VLDLR: variants seen among roughly 807,000 people sequenced by gnomAD.
The protein encoded by VLDLR is very low-density lipoprotein receptor.
Under a neutral mutation model 112.7 loss-of-function variants are expected in VLDLR, and 81 were observed. That is an observed-to-expected ratio of 0.72 (90% CI 0.60 to 0.86). The LOEUF (loss-of-function observed/expected upper bound fraction) is 0.86, where lower values mean the gene tolerates loss of function less well. Among genes scored for constraint, VLDLR ranks in the 40% least tolerant of loss-of-function variants. VLDLR has a pLI of 0.00. For synonymous variants in VLDLR, 436 were observed against 384.8 expected, an observed-to-expected ratio of 1.13 and a Z score of -1.56; for missense variants, 1,237 against 1,099.4, an observed-to-expected ratio of 1.13 and a Z score of -1.77.
In VLDLR at chr9:2,650,498, A is replaced by G; in HGVS notation, c.2233A>G (p.Asn745Asp). 1 of 1,613,898 alleles carries G rather than the reference A, an allele frequency of 6.2e-7. No homozygotes were observed. The highest frequency in any genetic ancestry group is 8.5e-7 in the Non-Finnish European group (1 of 1,180,006). Reference sequence around the variant, plus strand: ...TCCCAGTGGGTACAATGTAGAGGAAAATGGCCGAGACTGTCAAAGTAAGGC... The same window carrying G: ...TCCCAGTGGGTACAATGTAGAGGAAGATGGCCGAGACTGTCAAAGTAAGGC... ...SCPSGYNVEENGRDCQSTATT... is the reference protein window; with the variant it reads ...SCPSGYNVEEDGRDCQSTATT... Residue 745 changes from asparagine to aspartate, a missense_variant, in exon 15 of 19, where the codon AAT (asparagine) becomes GAT (aspartate). Coordinates refer to ENST00000382100, the MANE Select transcript of VLDLR (RefSeq NM_003383.5).
rs1033746403 is a variant in VLDLR, at chr9:2,640,758, A to T, written c.326-619A>T. Among the ~76,000 whole-genome samples the T allele has an allele frequency of 3.3e-5, 5 of 152,208 alleles. No individual in the cohort carries two copies. In the East Asian group the frequency reaches 9.6e-4, roughly 29 times the overall value. ...AAAGGAAGATAAGGCTGTTACTTTCAATTTTCTAGATAAGAAGTGAGGGGA... is the reference window on the plus strand; with the variant it reads ...AAAGGAAGATAAGGCTGTTACTTTCTATTTTCTAGATAAGAAGTGAGGGGA... On this transcript the variant is annotated intron_variant, in intron 3 of 18. Coordinates refer to ENST00000382100, the MANE Select transcript of VLDLR (RefSeq NM_003383.5).
chr9:2,632,896 T>C (rs1441366896), intron 1 of VLDLR, among the ~76,000 whole-genome samples: 1 of 152,056 alleles, frequency 6.6e-6, no homozygotes, highest in Non-Finnish European at 1.5e-5. Flanking sequence ...CTTAAGGTCT[T>C]TATTTGCCTG....
chr9:2,636,007 C>T (rs1817588402), intron 2 of VLDLR, among the ~76,000 whole-genome samples: 1 of 152,174 alleles, frequency 6.6e-6, no homozygotes, highest in Admixed American at 6.5e-5. Context: ...AACTACAAGC[C>T]AGCACAGATC....
intron 3 of VLDLR, among the ~76,000 whole-genome samples, chr9:2,641,172 C>T (rs937491567): frequency 1.2e-4 from 18 of 152,170 alleles, no homozygotes; most frequent in African/African-American, 1.7e-4. Flanking sequence ...AAAGCTGTCA[C>T]GTACACTGCC....
At position 2,622,179 on chromosome 9, in the gene VLDLR, A is replaced by G. The variant is rs1816824511; in HGVS notation, c.-11A>G. ...GGCGGCGGCGGCGGCGGCACCATCC[A>G]GGCGGGCACCATGGGCACGTCCGCG... On this transcript the variant is annotated 5_prime_UTR_variant, in exon 1 of 19. Coordinates refer to ENST00000382100, the MANE Select transcript of VLDLR (RefSeq NM_003383.5). 11 of 1,480,836 alleles carry G rather than the reference A, an allele frequency of 7.4e-6. No homozygotes were observed. Among genetic ancestry groups the G allele is most frequent in the Non-Finnish European group, 8.9e-6 (10 of 1,119,894 alleles). 91.7% of individuals were successfully genotyped at this position (1,480,836 alleles called of 1,614,324 possible). A position where few individuals can be genotyped will look rare whatever the true frequency, so the allele number is the denominator to read the frequency against.
In VLDLR at chr9:2,651,901, A is replaced by C; in HGVS notation, c.2363A>C (p.Glu788Ala). 2 of 1,614,126 alleles carry C rather than the reference A, an allele frequency of 1.2e-6. No homozygotes were observed. The highest frequency in any genetic ancestry group is 1.7e-5 in the Admixed American group (1 of 60,024). The change falls in exon 17 of 19, where the codon GAG becomes GCG. Residue 788 changes from glutamate (E) to alanine (A), a missense_variant. Physicochemically the swap from Glu to Ala is moderately radical, Grantham distance 107 (BLOSUM62 -1). Coordinates refer to ENST00000382100, the MANE Select transcript of VLDLR (RefSeq NM_003383.5). ...GGINVTTAVSEVSVPPKGTSA... is the reference protein window; with the variant it reads ...GGINVTTAVSAVSVPPKGTSA... Reference sequence around the variant, plus strand: ...ATCAATGTGACCACAGCAGTATCAGAGGTCAGTGTTCCCCCAAAAGGGACT... The same window carrying C: ...ATCAATGTGACCACAGCAGTATCAGCGGTCAGTGTTCCCCCAAAAGGGACT...
chr9:2,658,263 A>C lies in VLDLR; in HGVS notation c.*4395A>C, dbSNP rs906016551. Reference sequence around the variant, plus strand: ...AGATAAATAAGCTACTAACAAACTGATAACAGTGGTGTTCCATCTCTCTAT... The same window carrying C: ...AGATAAATAAGCTACTAACAAACTGCTAACAGTGGTGTTCCATCTCTCTAT... On this transcript the variant is annotated 3_prime_UTR_variant, in exon 19 of 19. Coordinates refer to ENST00000382100, the MANE Select transcript of VLDLR (RefSeq NM_003383.5). 1 of 152,222 alleles carries C rather than the reference A, an allele frequency of 6.6e-6. No homozygotes were observed. Among genetic ancestry groups the C allele is most frequent in the Non-Finnish European group, 1.5e-5 (1 of 68,042 alleles). The allele number at this position is 152,222 out of a possible 1,614,324, so 9.4% of individuals were successfully genotyped here. A position where few individuals can be genotyped will look rare whatever the true frequency, so the allele number is the denominator to read the frequency against.
intron 1 of VLDLR, among the ~76,000 whole-genome samples, chr9:2,629,324 C>T (rs10967228): frequency 0.095 from 14,430 of 152,280 alleles, 798 homozygotes; most frequent in East Asian, 0.15. Flanking sequence ...AGCTATAATC[C>T]TTTTAGAAGA....
intron 4 of VLDLR, 56 bp downstream of exon 4, chr9:2,641,555 G>A (rs200696982): frequency 1.2e-6 from 2 of 1,611,902 alleles, no homozygotes; most frequent in Admixed American, 1.7e-5. Context: ...TAAAGGAAGG[G>A]TGGGCAGGGG....
intron 1 of VLDLR, among the ~76,000 whole-genome samples, chr9:2,628,077 A>C (rs906047845): frequency 3.3e-5 from 5 of 152,104 alleles, no homozygotes; most frequent in African/African-American, 1.2e-4. Flanking sequence ...TAATAAATCA[A>C]CTCATGCACC....
rs1818626422 is a variant in VLDLR at position 2,656,805 on chromosome 9, T to A, written c.*2937T>A. 2 of 152,162 alleles carry A rather than the reference T, an allele frequency of 1.3e-5. No homozygotes were observed. The highest frequency in any genetic ancestry group is 3.4e-3 in the Middle Eastern group (1 of 294). The allele number at this position is 152,162 out of a possible 1,614,324, so 9.4% of individuals were successfully genotyped here. ...ATCCAGCCAAGTTCCTCTGTCCAAA[T>A]TTTTAAGTGCCCTTTGCAAGCTAAT... On this transcript the variant is annotated 3_prime_UTR_variant, in exon 19 of 19. Coordinates refer to ENST00000382100, the MANE Select transcript of VLDLR (RefSeq NM_003383.5).
At chr9:2,628,430 TG>T (rs1817193306) in intron 1 of VLDLR, among the ~76,000 whole-genome samples, 1 of 152,150 alleles carries the variant, frequency 6.6e-6, no homozygotes, top group Non-Finnish European at 1.5e-5. Context: ...CCCTTTGAGC[TG>T]TTAGCTCAGC....
In VLDLR at chr9:2,643,708, C is replaced by T. The variant is rs1817930102; in HGVS notation, c.901C>T (p.Arg301Ter). The stretch of plus-strand genomic sequence containing the variant: ...TGGCAGCAGGCAGTGTAATGGTATC[C>T]GAGACTGTGTCGATGGTTCCGATGA... ...IHGSRQCNGI[R>*]DCVDGSDEVN... The change falls in exon 6 of 19, where the codon CGA becomes TGA. Residue 301 changes from arginine to a stop codon, truncating the protein, a stop_gained. Coordinates refer to ENST00000382100, the MANE Select transcript of VLDLR (RefSeq NM_003383.5). LOFTEE classifies it high-confidence loss of function. 3.1e-6 allele frequency: 5 copies of T among 1,614,144 alleles called. No individual in the cohort carries two copies. Among genetic ancestry groups the T allele is most frequent in the East Asian group, 2.2e-5 (1 of 44,876 alleles).
chr9:2,645,174 A>T, intron 9 of VLDLR, 92 bp downstream of exon 9: 1 of 1,582,176 alleles, frequency 6.3e-7, no homozygotes, highest in African/African-American at 1.3e-5. Flanking sequence ...CAAACTAAAC[A>T]TGAAATTGTA....
chr9:2,648,098 C>T, intron 12 of VLDLR, 110 bp from the exon 13 acceptor site: 2 of 1,485,248 alleles, frequency 1.3e-6, no homozygotes, highest in South Asian at 1.2e-5. Context: ...CGTTAAGAAA[C>T]CCTGCTGGGG....
chr9:2,630,018 C>CCCTGATGGTCTCTATCT (rs1159979685), intron 1 of VLDLR, among the ~76,000 whole-genome samples: 6 of 152,076 alleles, frequency 3.9e-5, no homozygotes, highest in Non-Finnish European at 8.8e-5. Context: ...GGTCTTGAAC[C>CCCTGATGGTCTCTATCT]CCTGACCTCA....
In VLDLR at chr9:2,659,894, C is replaced by T. The variant is rs895624266; in HGVS notation, c.*6026C>T. On this transcript the variant is annotated 3_prime_UTR_variant, in exon 19 of 19. Coordinates refer to ENST00000382100, the MANE Select transcript of VLDLR (RefSeq NM_003383.5). ...TTGATACTAGAATGCGATTTAAAAGCATGTAATGCCTCAGGAGTCCGGCAT... is the reference window on the plus strand; with the variant it reads ...TTGATACTAGAATGCGATTTAAAAGTATGTAATGCCTCAGGAGTCCGGCAT... 1 of 152,178 alleles carries T rather than the reference C, an allele frequency of 6.6e-6. No homozygotes were observed. Among genetic ancestry groups the T allele is most frequent in the Non-Finnish European group, 1.5e-5 (1 of 68,028 alleles). The allele number at this position is 152,178 out of a possible 1,614,324, so 9.4% of individuals were successfully genotyped here.
chr9:2,637,523 C>G (rs1253606924), intron 2 of VLDLR, among the ~76,000 whole-genome samples: 1 of 152,186 alleles, frequency 6.6e-6, no homozygotes, highest in Admixed American at 6.5e-5. Flanking sequence ...TCTTTACCCT[C>G]CCAGTCTATG....
rs1234226413 is a variant in VLDLR, at chr9:2,652,630, C to T, written c.2417-150C>T. 10 of 1,055,220 alleles carry T rather than the reference C, an allele frequency of 9.5e-6. No homozygotes were observed. The Admixed American group carries it at 2.1e-4, about 22-fold the overall frequency. The allele number at this position is 1,055,220 out of a possible 1,614,324, so 65.4% of individuals were successfully genotyped here. A position where few individuals can be genotyped will look rare whatever the true frequency, so the allele number is the denominator to read the frequency against. On this transcript the variant is annotated intron_variant, in intron 17 of 18. Transcript: ENST00000382100. ...CTGAACTTGTTTCAAGCTCCTGGCC[C>T]ATGTGTATTCCAACTTCTAGTTATC...
Sources: gnomAD v4.1 joint callset for allele counts (sites outside exome capture counted in the v4.1 genomes callset) on GRCh38, gnomAD v4.1.1 for gene constraint, MANE v1.5 for transcripts, NCBI Gene and HGNC (gene_info 2026-07-23, HGNC 2026-07-21) for gene names.